CMSS1: variants seen among roughly 807,000 people sequenced by gnomAD.
The protein encoded by CMSS1 is cms1 ribosomal small subunit homolog.
Under a neutral mutation model 43.5 loss-of-function variants are expected in CMSS1, and 33 were observed. That is an observed-to-expected ratio of 0.76 (90% CI 0.57 to 1.01). The LOEUF is 1.01. Among genes scored for constraint, CMSS1 ranks in the 50% least tolerant of loss-of-function variants. CMSS1 has a pLI of 0.00. For synonymous variants in CMSS1, 115 were observed against 117.2 expected, an observed-to-expected ratio of 0.98 and a Z score of 0.12; for missense variants, 313 against 326.4, an observed-to-expected ratio of 0.96 and a Z score of 0.32.
At chr3:100,038,570 T>C (rs1347374675) in intron 1 of CMSS1, among the ~76,000 whole-genome samples, 1 of 152,212 alleles carries the variant, frequency 6.6e-6, no homozygotes, top group Non-Finnish European at 1.5e-5. Flanking sequence ...ATAACCTAAA[T>C]GTACTTTTGT....
At chr3:100,124,242 G>C (rs1435691698) in intron 1 of CMSS1, among the ~76,000 whole-genome samples, 2 of 152,058 alleles carry the variant, frequency 1.3e-5, no homozygotes, top group Non-Finnish European at 1.5e-5. Context: ...GTGCTTTGGA[G>C]ATTTTCCAAA....
chr3:100,152,659 C>A (rs1334936898), intron 2 of CMSS1, among the ~76,000 whole-genome samples: 1 of 152,184 alleles, frequency 6.6e-6, no homozygotes, highest in African/African-American at 2.4e-5. Context: ...TCTCTCAATT[C>A]AACGCCTTCC....
intron 1 of CMSS1, among the ~76,000 whole-genome samples, chr3:99,996,290 C>A (rs1559718911): frequency 6.6e-6 from 1 of 152,182 alleles, no homozygotes; most frequent in Non-Finnish European, 1.5e-5. Flanking sequence ...CAAGAGTCAC[C>A]TTTGCTCCAG....
At chr3:100,106,576 A>G (rs1175054670) in intron 1 of CMSS1, among the ~76,000 whole-genome samples, 4 of 152,156 alleles carry the variant, frequency 2.6e-5, no homozygotes, top group African/African-American at 9.7e-5. Flanking sequence ...TTAGTTGAAA[A>G]AGATCTGCCT....
At chr3:99,895,203 T>C (rs1055005446) in intron 1 of CMSS1, among the ~76,000 whole-genome samples, 2 of 152,250 alleles carry the variant, frequency 1.3e-5, no homozygotes, top group Admixed American at 1.3e-4. Context: ...CTTAACTATA[T>C]TTTATTCTTA....
intron 1 of CMSS1, among the ~76,000 whole-genome samples, chr3:99,860,199 G>A (rs1454499267): frequency 2.0e-5 from 3 of 152,132 alleles, no homozygotes; most frequent in East Asian, 1.9e-4. Flanking sequence ...TAAGAATTAG[G>A]GCAGGAAGTT....
intron 4 of CMSS1, among the ~76,000 whole-genome samples, chr3:100,164,784 G>A (rs1025980552): frequency 2.0e-5 from 3 of 152,138 alleles, no homozygotes; most frequent in African/African-American, 7.2e-5. Flanking sequence ...ATATAAGGTA[G>A]ATATAAATAA....
chr3:100,090,483 C>CT lies in CMSS1; in HGVS notation c.65-56487dup, dbSNP rs1357470732. On this transcript the variant is annotated intron_variant, in intron 1 of 9. Coordinates refer to ENST00000421999, the MANE Select transcript of CMSS1 (RefSeq NM_032359.4). The stretch of plus-strand genomic sequence containing the variant: ...CACCTCTGATTTTCTGAGTCATAGT[C>CT]TTTGAGAGCAAAACCAGGCGACAGA... Among the ~76,000 whole-genome samples, 13 of 152,280 alleles carry CT rather than the reference C, an allele frequency of 8.5e-5. No individual in the cohort carries two copies. The East Asian group carries it at 2.5e-3, about 29-fold the overall frequency.
chr3:99,944,252 T>G (rs908029359), intron 1 of CMSS1, among the ~76,000 whole-genome samples: 2 of 152,182 alleles, frequency 1.3e-5, no homozygotes, highest in Non-Finnish European at 2.9e-5. Flanking sequence ...AATTGGGATT[T>G]GGCCAAGAAC....
At chr3:99,864,833 C>T (rs1346204597) in intron 1 of CMSS1, among the ~76,000 whole-genome samples, 1 of 152,082 alleles carries the variant, frequency 6.6e-6, no homozygotes, top group Non-Finnish European at 1.5e-5. Flanking sequence ...ATCTGGCATA[C>T]TATATTTTAT....
intron 1 of CMSS1, among the ~76,000 whole-genome samples, chr3:99,859,085 C>T (rs1250378837): frequency 6.6e-6 from 1 of 152,222 alleles, no homozygotes; most frequent in Non-Finnish European, 1.5e-5. Context: ...TTTCATAAGA[C>T]ATTGTGTTTT....
At chr3:100,058,581 A>G (rs1443278685) in intron 1 of CMSS1, among the ~76,000 whole-genome samples, 1 of 152,116 alleles carries the variant, frequency 6.6e-6, no homozygotes, top group East Asian at 1.9e-4. Context: ...TTCAAACACA[A>G]ATCCCCTTGG....
At chr3:99,947,812 A>T (rs1437553066) in intron 1 of CMSS1, among the ~76,000 whole-genome samples, 1 of 152,234 alleles carries the variant, frequency 6.6e-6, no homozygotes, top group East Asian at 1.9e-4. Context: ...AAAGTTGAGA[A>T]TTTGAAAATG....
chr3:99,848,826 T>C (rs926621528), intron 1 of CMSS1: 1 of 1,614,110 alleles, frequency 6.2e-7, no homozygotes, highest in Non-Finnish European at 8.5e-7. Flanking sequence ...TGGAGGCGTT[T>C]TGGAGGATGG....
At chr3:100,056,897 G>C (rs370015829) in intron 1 of CMSS1, among the ~76,000 whole-genome samples, 1 of 151,870 alleles carries the variant, frequency 6.6e-6, no homozygotes, top group Non-Finnish European at 1.5e-5. Context: ...CCAGCTACTC[G>C]GGAGGCTGAG....
intron 1 of CMSS1, among the ~76,000 whole-genome samples, chr3:100,095,812 A>G (rs1279251786): frequency 6.6e-6 from 1 of 152,162 alleles, no homozygotes; most frequent in East Asian, 1.9e-4. Context: ...AGCAAAGGAA[A>G]CAATCAACAA....
chr3:99,900,704 C>T (rs1706407808), intron 1 of CMSS1, among the ~76,000 whole-genome samples: 2 of 152,206 alleles, frequency 1.3e-5, no homozygotes, highest in East Asian at 1.9e-4. Context: ...CTTTTCCACG[C>T]AAGTCTTAAG....
intron 2 of CMSS1, among the ~76,000 whole-genome samples, chr3:100,156,660 G>A (rs1283648646): frequency 2.0e-5 from 3 of 151,110 alleles, no homozygotes; most frequent in African/African-American, 7.3e-5. Flanking sequence ...CTGTCGCCCG[G>A]GCTGGCGTGC....
chr3:99,955,334 G>A (rs1188185227), intron 1 of CMSS1, among the ~76,000 whole-genome samples: 2 of 152,070 alleles, frequency 1.3e-5, no homozygotes, highest in South Asian at 2.1e-4. Flanking sequence ...AGAGACCTAC[G>A]GAATATTTGT....
Sources: allele counts gnomAD v4.1 joint callset (sites outside exome capture counted in the v4.1 genomes callset), GRCh38; gene constraint gnomAD v4.1.1; transcripts MANE v1.5; gene names NCBI Gene and HGNC (gene_info 2026-07-23, HGNC 2026-07-21).